NXPE1: variants seen among roughly 807,000 people sequenced by gnomAD.
NXPE1 encodes the protein neurexophilin and PC-esterase domain family member 1, also known as NXPE family member 1.
Under a neutral mutation model 33.3 loss-of-function variants are expected in NXPE1, and 31 were observed. The observed-to-expected ratio is 0.93, with a 90% CI of 0.70 to 1.26. The LOEUF (loss-of-function observed/expected upper bound fraction) is 1.26. Among genes scored for constraint, NXPE1 ranks in the 50% most tolerant of loss-of-function variants. The pLI, the probability that NXPE1 is intolerant of heterozygous loss-of-function variation, is 0.00. For missense variants in NXPE1, 661 were observed against 655.6 expected, an observed-to-expected ratio of 1.01 and a Z score of -0.09; for synonymous variants, 229 against 231.4, an observed-to-expected ratio of 0.99 and a Z score of 0.09.
intron 7 of NXPE1, among the ~76,000 whole-genome samples, chr11:114,523,837 T>G (rs1947287900): frequency 6.6e-6 from 1 of 152,214 alleles, no homozygotes; most frequent in Non-Finnish European, 1.5e-5. Flanking sequence ...ATGCCTTGTA[T>G]TTTAGGATTT....
chr11:114,535,198 G>A (rs1420677847), intron 5 of NXPE1, among the ~76,000 whole-genome samples: 2 of 152,146 alleles, frequency 1.3e-5, no homozygotes, highest in African/African-American at 2.4e-5. Flanking sequence ...ATAAGTGAAG[G>A]AGAAATACAA....
chr11:114,558,731 A>G (rs896911575), intron 1 of NXPE1, among the ~76,000 whole-genome samples: 1 of 152,172 alleles, frequency 6.6e-6, no homozygotes, highest in Non-Finnish European at 1.5e-5. Flanking sequence ...GTGCTATGTA[A>G]GAGTACAAAT....
chr11:114,521,966 C>A, exon 9 of NXPE1: 1 of 1,601,934 alleles, frequency 6.2e-7, no homozygotes, highest in Non-Finnish European at 8.5e-7. Context: ...AGTATTTATC[C>A]CTTAGCAAAT....
chr11:114,529,939 C>A, intron 6 of NXPE1: 1 of 458,666 alleles, frequency 2.2e-6, no homozygotes, highest in Non-Finnish European at 3.8e-6. Context: ...TTCAGTGGAA[C>A]ATCTGTGAAC....
chr11:114,541,164 C>T (rs1369223516), intron 5 of NXPE1, among the ~76,000 whole-genome samples: 2 of 151,984 alleles, frequency 1.3e-5, no homozygotes, highest in East Asian at 1.9e-4. Flanking sequence ...GCAAAAACAT[C>T]GACACTATTC....
At chr11:114,547,136 G>A (rs138375320) in intron 5 of NXPE1, among the ~76,000 whole-genome samples, 215 of 152,214 alleles carry the variant, frequency 1.4e-3, no homozygotes, top group African/African-American at 4.8e-3. Flanking sequence ...TAAAGAGCAG[G>A]GTGGGGCAGA....
chr11:114,524,693 G>T (rs1409211932), intron 7 of NXPE1, among the ~76,000 whole-genome samples: 1 of 152,092 alleles, frequency 6.6e-6, no homozygotes, highest in Non-Finnish European at 1.5e-5. Flanking sequence ...GGCACACTTT[G>T]CTGAGAACAT....
At chr11:114,522,095 A>G (rs1174590877) in exon 9 of NXPE1, 1 of 1,614,042 alleles carries the variant, frequency 6.2e-7, no homozygotes, top group African/African-American at 1.3e-5. Context: ...GAGGTCTTTG[A>G]AAATATCCTT....
At chr11:114,527,459 G>A (rs1371402910) in intron 7 of NXPE1, among the ~76,000 whole-genome samples, 1 of 152,110 alleles carries the variant, frequency 6.6e-6, no homozygotes, top group Non-Finnish European at 1.5e-5. Flanking sequence ...TATAAAATTG[G>A]TAATTGCATC....
intron 5 of NXPE1, among the ~76,000 whole-genome samples, chr11:114,545,911 G>A (rs1163673696): frequency 1.3e-5 from 2 of 151,794 alleles, no homozygotes; most frequent in African/African-American, 2.4e-5. Flanking sequence ...GGATGGTCTC[G>A]ATAGCTTGAC....
chr11:114,538,205 C>G (rs1359069774), intron 5 of NXPE1, among the ~76,000 whole-genome samples: 4 of 152,124 alleles, frequency 2.6e-5, no homozygotes, highest in African/African-American at 7.2e-5. Context: ...ATAAATGGTG[C>G]TGGGAAAATT....
intron 5 of NXPE1, among the ~76,000 whole-genome samples, chr11:114,537,765 C>T (rs967389940): frequency 6.6e-6 from 1 of 151,780 alleles, no homozygotes; most frequent in African/African-American, 2.4e-5. Context: ...CAAACCACTG[C>T]TCAATGAAAT....
chr11:114,549,850 G>T (rs1362226941), intron 5 of NXPE1, among the ~76,000 whole-genome samples: 1 of 151,926 alleles, frequency 6.6e-6, no homozygotes, highest in African/African-American at 2.4e-5. Context: ...ATGGAGAAAT[G>T]ACTACAAATA....
chr11:114,522,162 G>A, exon 9 of NXPE1: 1 of 1,613,906 alleles, frequency 6.2e-7, no homozygotes, highest in Non-Finnish European at 8.5e-7. Flanking sequence ...GTCTCTATGT[G>A]CATCTCCCTG....
chr11:114,534,222 GT>G (rs1396245192), intron 5 of NXPE1, among the ~76,000 whole-genome samples: 1 of 152,200 alleles, frequency 6.6e-6, no homozygotes, highest in African/African-American at 2.4e-5. Context: ...GCAGCTGAGG[GT>G]TCTGACTGTT....
At chr11:114,534,796 T>C (rs571258585) in intron 5 of NXPE1, among the ~76,000 whole-genome samples, 1 of 152,332 alleles carries the variant, frequency 6.6e-6, no homozygotes, top group South Asian at 2.1e-4. Context: ...AGACCAAATC[T>C]ACGTCTAATT....
At chr11:114,541,894 T>C (rs1425036788) in intron 5 of NXPE1, among the ~76,000 whole-genome samples, 1 of 152,066 alleles carries the variant, frequency 6.6e-6, no homozygotes, top group East Asian at 1.9e-4. Flanking sequence ...TGCTTCTCAA[T>C]GTTTATCTGT....
At chr11:114,530,609 T>C in exon 6 of NXPE1, 1 of 1,614,110 alleles carries the variant, frequency 6.2e-7, no homozygotes, top group Non-Finnish European at 8.5e-7. Context: ...CCCCACCATA[T>C]TGCTTCCTCT....
intron 5 of NXPE1, among the ~76,000 whole-genome samples, chr11:114,536,380 A>G (rs1947825160): frequency 6.6e-6 from 1 of 152,232 alleles, no homozygotes; most frequent in African/African-American, 2.4e-5. Context: ...GAACTAGAGA[A>G]GCAAGAGCAA....
Sources: gnomAD v4.1 joint callset for allele counts (sites outside exome capture counted in the v4.1 genomes callset) on GRCh38, gnomAD v4.1.1 for gene constraint, MANE v1.5 for transcripts, NCBI Gene and HGNC (gene_info 2026-07-23, HGNC 2026-07-21) for gene names.